DESI2: variants seen among roughly 807,000 people sequenced by gnomAD.
DESI2 encodes desumoylating isopeptidase 2, also known as deubiquitinase DESI2.
Under a neutral mutation model 24.1 loss-of-function variants are expected in DESI2, and 10 were observed. That is an observed-to-expected ratio of 0.41 (90% CI 0.26 to 0.70). DESI2 has a LOEUF of 0.70. Among genes scored for constraint, DESI2 ranks in the 30% least tolerant of loss-of-function variants. DESI2 has a pLI of 0.29. For synonymous variants in DESI2, 71 were observed against 87.7 expected, an observed-to-expected ratio of 0.81 and a Z score of 1.06; for missense variants, 122 against 234.9, an observed-to-expected ratio of 0.52 and a Z score of 3.14.
At chr1:244,653,437 C>CAGGAAGCGCCTGGG in intron 1 of DESI2, 82 bp downstream of exon 1, 1 of 1,411,364 alleles carries the variant, frequency 7.1e-7, no homozygotes, top group Non-Finnish European at 9.5e-7. Flanking sequence ...CGGCCCCAGG[C>CAGGAAGCGCCTGGG]GCTTCCTGCC....
chr1:244,694,972 C>T (rs772287074), intron 4 of DESI2, among the ~76,000 whole-genome samples: 2 of 152,288 alleles, frequency 1.3e-5, no homozygotes, highest in Middle Eastern at 3.4e-3. Context: ...ATTGAGGAAA[C>T]GTTATCTTAC....
chr1:244,699,300 C>T (rs1166549728), intron 4 of DESI2, among the ~76,000 whole-genome samples: 2 of 151,994 alleles, frequency 1.3e-5, no homozygotes, highest in Non-Finnish European at 2.9e-5. Flanking sequence ...AAAATATTTT[C>T]TGGCCAGGTG....
intron 1 of DESI2, among the ~76,000 whole-genome samples, chr1:244,660,987 C>T (rs961307872): frequency 3.9e-5 from 6 of 151,908 alleles, no homozygotes; most frequent in African/African-American, 1.2e-4. Flanking sequence ...TTGTAAGGCT[C>T]GCTGAAAAAA....
chr1:244,656,578 A>G (rs1675654282), intron 1 of DESI2: 1 of 152,228 alleles, frequency 6.6e-6, no homozygotes, highest in Non-Finnish European at 1.5e-5. Context: ...ACTGGCACAC[A>G]TAGCAAAGCA....
intron 1 of DESI2, among the ~76,000 whole-genome samples, chr1:244,676,816 A>T (rs1573199561): frequency 1.4e-5 from 2 of 147,084 alleles, no homozygotes. Flanking sequence ...TATATATTTT[A>T]TATATATATA....
At chr1:244,690,708 C>CA (rs34260121) in intron 3 of DESI2, among the ~76,000 whole-genome samples, 3,221 of 70,240 alleles carry the variant, frequency 0.046, 104 homozygotes, top group African/African-American at 0.13. Flanking sequence ...TCCGTCTCAC[C>CA]AAAAAAAAAA....
In DESI2 at chr1:244,706,038, T is replaced by A; in HGVS notation, c.*249T>A. On this transcript the variant is annotated 3_prime_UTR_variant, in exon 5 of 5. Coordinates refer to ENST00000302550, the MANE Select transcript of DESI2 (RefSeq NM_016076.5). ...TAAATCTGGATTTATTTCTTCTGTT[T>A]TATACAAGCTCTGTTAAGTTATGTT... 1 of 478,096 alleles carries A rather than the reference T, an allele frequency of 2.1e-6. No homozygotes were observed. The highest frequency in any genetic ancestry group is 3.8e-6 in the Non-Finnish European group (1 of 264,546). The allele number at this position is 478,096 out of a possible 1,614,324, so 29.6% of individuals were successfully genotyped here.
chr1:244,670,180 C>T (rs1237823431), intron 1 of DESI2, among the ~76,000 whole-genome samples: 1 of 152,198 alleles, frequency 6.6e-6, no homozygotes, highest in East Asian at 1.9e-4. Flanking sequence ...TGGTCTTGAA[C>T]TCCTGACCGC....
intron 1 of DESI2, among the ~76,000 whole-genome samples, chr1:244,678,030 C>G (rs762747429): frequency 6.6e-6 from 1 of 152,186 alleles, no homozygotes; most frequent in Non-Finnish European, 1.5e-5. Flanking sequence ...ATTTTCCTAG[C>G]AACTTGTGGG....
chr1:244,671,269 G>A (rs1270863035), intron 1 of DESI2, among the ~76,000 whole-genome samples: 3 of 152,166 alleles, frequency 2.0e-5, no homozygotes, highest in Admixed American at 6.5e-5. Context: ...CTAGTTGTCA[G>A]CACTGGGCAC....
intron 1 of DESI2, among the ~76,000 whole-genome samples, chr1:244,679,820 T>C (rs1264462741): frequency 1.4e-5 from 2 of 139,036 alleles, no homozygotes; most frequent in Admixed American, 1.6e-4. Context: ...TGAGCCCAGA[T>C]TGCGCCACTG....
intron 1 of DESI2, among the ~76,000 whole-genome samples, chr1:244,672,192 G>A (rs61842459): frequency 0.049 from 7,530 of 152,208 alleles, 227 homozygotes; most frequent in Middle Eastern, 0.082. Context: ...GTTGGAGGTG[G>A]ATCCTAGTGG....
rs1573243465 is a variant in DESI2, at chr1:244,707,589, C to A, written c.*1800C>A. The A allele has an allele frequency of 6.6e-6, 1 of 152,408 alleles. No homozygotes were observed. The highest frequency in any genetic ancestry group is 2.4e-5 in the African/African-American group (1 of 41,458). 9.4% of individuals were successfully genotyped at this position (152,408 alleles called of 1,614,324 possible). ...GACTTGTTCACTAAAAAGAGAGAGT[C>A]CTGTCCCCAGACGGTTAGTACAAAG... On this transcript the variant is annotated 3_prime_UTR_variant, in exon 5 of 5. Coordinates refer to ENST00000302550, the MANE Select transcript of DESI2 (RefSeq NM_016076.5).
intron 4 of DESI2, among the ~76,000 whole-genome samples, chr1:244,698,350 C>T (rs1362642282): frequency 6.6e-6 from 1 of 152,188 alleles, no homozygotes; most frequent in African/African-American, 2.4e-5. Flanking sequence ...AAGACATACA[C>T]TTCTAAACAT....
At position 244,706,021 on chromosome 1, in the gene DESI2, GATTT is replaced by G. The variant is rs1313308159; in HGVS notation, c.*237_*240del. 4.1e-5 allele frequency: 21 copies of G among 510,428 alleles called. No homozygotes were observed. Among genetic ancestry groups the G allele is most frequent in the Admixed American group, 6.9e-5 (2 of 29,012 alleles). The allele number at this position is 510,428 out of a possible 1,614,324, so 31.6% of individuals were successfully genotyped here. On this transcript the variant is annotated 3_prime_UTR_variant, in exon 5 of 5. Coordinates refer to ENST00000302550, the MANE Select transcript of DESI2 (RefSeq NM_016076.5). ...TTTTTTTTATCCACTCGTAAATCTG[GATTT>G]ATTTCTTCTGTTTTATACAAGCTCT...
In DESI2 at chr1:244,707,999, G is replaced by A. The variant is rs956614366; in HGVS notation, c.*2210G>A. On this transcript the variant is annotated 3_prime_UTR_variant, in exon 5 of 5. Coordinates refer to ENST00000302550, the MANE Select transcript of DESI2 (RefSeq NM_016076.5). ...TTATAATCTAATTATACCTGAGGTT[G>A]AGCAAGAAATGTCTTCCTTTAGAAA... 5.9e-5 allele frequency: 9 copies of A among 152,176 alleles called. No homozygotes were observed. The highest frequency in any genetic ancestry group is 1.2e-4 in the Non-Finnish European group (8 of 68,042). 9.4% of individuals were successfully genotyped at this position (152,176 alleles called of 1,614,324 possible).
chr1:244,669,335 C>A (rs576611153), intron 1 of DESI2, among the ~76,000 whole-genome samples: 31 of 151,108 alleles, frequency 2.1e-4, no homozygotes, highest in African/African-American at 6.1e-4. Context: ...ATTTTACTTT[C>A]TTCTTTTCAG....
chr1:244,702,967 TG>T (rs1402999242), intron 4 of DESI2, among the ~76,000 whole-genome samples: 1 of 151,080 alleles, frequency 6.6e-6, no homozygotes, highest in African/African-American at 2.4e-5. Flanking sequence ...ATGTCCCAGG[TG>T]TAAAGTACAA....
At chr1:244,653,376 C>T in intron 1 of DESI2, 21 bp downstream of exon 1, 1 of 1,542,592 alleles carries the variant, frequency 6.5e-7, no homozygotes, top group Non-Finnish European at 8.7e-7. Context: ...CCCCTGGCGG[C>T]CCCGAGCCCT....
Sources: allele counts gnomAD v4.1 joint callset (sites outside exome capture counted in the v4.1 genomes callset), GRCh38; gene constraint gnomAD v4.1.1; transcripts MANE v1.5; gene names NCBI Gene and HGNC (gene_info 2026-07-23, HGNC 2026-07-21).